CLNK: variants seen among roughly 807,000 people sequenced by gnomAD.
CLNK encodes cytokine dependent hematopoietic cell linker.
CLNK carries 74 observed loss-of-function variants against 68.6 expected under a neutral mutation model. The observed-to-expected ratio is 1.08, with a 90% CI of 0.89 to 1.31. The LOEUF (loss-of-function observed/expected upper bound fraction) is 1.31, where lower values mean the gene tolerates loss of function less well. CLNK is among the 50% of genes most tolerant of loss of function. The probability of loss-of-function intolerance (pLI) is 0.00; values close to 1 mark genes in which losing one functional copy is unlikely to be tolerated. For synonymous variants in CLNK, 198 were observed against 172.2 expected (o/e 1.15, Z -1.17); for missense variants, 553 against 515.3 (o/e 1.07, Z -0.71).
chr4:10,567,185 G>C (rs1720157179), intron 5 of CLNK, among the ~76,000 whole-genome samples: 1 of 146,932 alleles, frequency 6.8e-6, no homozygotes, highest in Non-Finnish European at 1.5e-5. Context: ...TATTTCAAAA[G>C]TTACTACATA....
At chr4:10,676,054 T>C (rs1724859159) in intron 1 of CLNK, among the ~76,000 whole-genome samples, 1 of 149,660 alleles carries the variant, frequency 6.7e-6, no homozygotes, top group Admixed American at 6.7e-5. Flanking sequence ...AGAGTGTGTG[T>C]GTGTGTGTGT....
rs1006363446 is a variant in CLNK, at chr4:10,487,307, G to T, written c.*3160C>A. 6.6e-6 allele frequency: 1 copy of T among 152,196 alleles called. No homozygotes were observed. The allele number at this position is 152,196 out of a possible 1,614,324, so 9.4% of individuals were successfully genotyped here. On this transcript the variant is annotated 3_prime_UTR_variant, in exon 19 of 19. Transcript: ENST00000226951. ...TCCAGTCGCGACTATGTCACTGTGA[G>T]ATTTTGGCCAATGAGGTACAATTTC...
At chr4:10,673,739 C>T (rs1429193040) in intron 1 of CLNK, among the ~76,000 whole-genome samples, 2 of 151,612 alleles carry the variant, frequency 1.3e-5, no homozygotes, top group South Asian at 2.1e-4. Flanking sequence ...GAAGTAACCC[C>T]AACTCCCACA....
intron 4 of CLNK, among the ~76,000 whole-genome samples, chr4:10,574,623 CT>C (rs1328250459): frequency 1.3e-5 from 2 of 152,156 alleles, no homozygotes; most frequent in Non-Finnish European, 2.9e-5. Flanking sequence ...ACGCCACTCC[CT>C]TTAAGGGAGG....
intron 2 of CLNK, among the ~76,000 whole-genome samples, chr4:10,630,887 A>G (rs1163533099): frequency 6.6e-6 from 1 of 152,146 alleles, no homozygotes; most frequent in African/African-American, 2.4e-5. Flanking sequence ...CTCTCATTAC[A>G]CCAAGCCATT....
intron 2 of CLNK, among the ~76,000 whole-genome samples, chr4:10,634,401 G>A (rs1180811367): frequency 1.3e-5 from 2 of 152,136 alleles, no homozygotes; most frequent in Non-Finnish European, 2.9e-5. Flanking sequence ...TGTGCGCTCG[G>A]CTCTTCATAA....
chr4:10,630,344 C>T (rs1032973285), intron 2 of CLNK, among the ~76,000 whole-genome samples: 6 of 152,214 alleles, frequency 3.9e-5, no homozygotes, highest in Admixed American at 1.3e-4. Context: ...TTGTCACCCT[C>T]CTCATGGAAA....
At chr4:10,652,426 A>G (rs1723781796) in intron 2 of CLNK, among the ~76,000 whole-genome samples, 2 of 149,522 alleles carry the variant, frequency 1.3e-5, no homozygotes, top group Non-Finnish European at 3.0e-5. Context: ...CATCTGTTTC[A>G]CTAGATTAAA....
chr4:10,591,369 T>A (rs1165340325), intron 3 of CLNK, among the ~76,000 whole-genome samples: 3 of 152,314 alleles, frequency 2.0e-5, no homozygotes, highest in East Asian at 3.9e-4. Context: ...GTAATGGAAC[T>A]CACACTGACA....
chr4:10,662,942 TGATC>T (rs1724250378), intron 2 of CLNK, among the ~76,000 whole-genome samples: 2 of 152,356 alleles, frequency 1.3e-5, no homozygotes, highest in South Asian at 4.1e-4. Context: ...CTTTGCTCTC[TGATC>T]TATCCCCAAT....
At chr4:10,660,180 A>T (rs9684000) in intron 2 of CLNK, among the ~76,000 whole-genome samples, 1 of 152,088 alleles carries the variant, frequency 6.6e-6, no homozygotes, top group Admixed American at 6.6e-5. Flanking sequence ...CCTTATTTCC[A>T]TGTAACAAAA....
intron 2 of CLNK, among the ~76,000 whole-genome samples, chr4:10,665,745 G>A (rs1224553490): frequency 6.6e-6 from 1 of 151,582 alleles, no homozygotes; most frequent in Admixed American, 6.6e-5. Context: ...AGATGCTCAT[G>A]GCAAATATTG....
chr4:10,645,863 T>A (rs1723490042), intron 2 of CLNK, among the ~76,000 whole-genome samples: 1 of 152,276 alleles, frequency 6.6e-6, no homozygotes, highest in African/African-American at 2.4e-5. Context: ...AAAGAAAAGA[T>A]AAATGTTTGA....
chr4:10,532,247 G>T lies in CLNK; in HGVS notation c.630+9C>A. On this transcript the variant is annotated intron_variant, in intron 12 of 18. Transcript: ENST00000226951. ...CTTCTTTGCTTCCAAGGATAAAATTGCTACTTACCTCACTTAAGTCCCTTA... is the reference window on the plus strand; with the variant it reads ...CTTCTTTGCTTCCAAGGATAAAATTTCTACTTACCTCACTTAAGTCCCTTA... 16 of 1,606,490 alleles carry T rather than the reference G, an allele frequency of 1.0e-5. No individual in the cohort carries two copies. Among genetic ancestry groups the T allele is most frequent in the Non-Finnish European group, 1.3e-5 (15 of 1,174,130 alleles).
the CLNK span, among the ~76,000 whole-genome samples, chr4:10,728,832 C>A: frequency 6.6e-6 from 1 of 151,838 alleles, no homozygotes; most frequent in African/African-American, 2.4e-5. Flanking sequence ...ATCTCCTGAT[C>A]TCGTGATCTG....
upstream of CLNK, among the ~76,000 whole-genome samples, chr4:10,687,015 C>T (rs1369276486): frequency 6.6e-6 from 1 of 151,866 alleles, no homozygotes; most frequent in Non-Finnish European, 1.5e-5. Context: ...TATACCTACT[C>T]CTTTGATGGA....
chr4:10,634,254 C>A (rs556701823), intron 2 of CLNK, among the ~76,000 whole-genome samples: 26 of 152,258 alleles, frequency 1.7e-4, no homozygotes, highest in African/African-American at 6.0e-4. Context: ...GAAAAAGTGG[C>A]CTTTTTCCAA....
chr4:10,510,859 C>T (rs1717552559), intron 16 of CLNK, among the ~76,000 whole-genome samples: 1 of 152,164 alleles, frequency 6.6e-6, no homozygotes, highest in Non-Finnish European at 1.5e-5. Context: ...TCAAGCTGTC[C>T]CACCTTTCTG....
At chr4:10,587,631 G>C (rs1254325839) in intron 3 of CLNK, among the ~76,000 whole-genome samples, 1 of 152,190 alleles carries the variant, frequency 6.6e-6, no homozygotes, top group Non-Finnish European at 1.5e-5. Context: ...TCTGACTTCA[G>C]CGTAACTTAC....
Sources: allele counts gnomAD v4.1 joint callset (sites outside exome capture counted in the v4.1 genomes callset), GRCh38; gene constraint gnomAD v4.1.1; transcripts MANE v1.5; gene names NCBI Gene and HGNC (gene_info 2026-07-23, HGNC 2026-07-21).